The following CNTN5 variants were observed in gnomAD, a reference collection of about 807,000 sequenced individuals.
CNTN5 encodes the protein contactin 5.
CNTN5 carries 77 observed loss-of-function variants against 129.1 expected under a neutral mutation model. The observed-to-expected ratio is 0.60, with a 90% CI of 0.50 to 0.72. CNTN5 has a LOEUF of 0.72. Ranked by LOEUF, CNTN5 falls within the 30% of genes least tolerant of loss-of-function variation. The pLI, the probability that CNTN5 is intolerant of heterozygous loss-of-function variation, is 0.00. For missense variants in CNTN5, 1,478 were observed against 1,328.8 expected, an observed-to-expected ratio of 1.11 and a Z score of -1.75; for synonymous variants, 509 against 465.6, an observed-to-expected ratio of 1.09 and a Z score of -1.20.
At chr11:99,800,068 G>GT (rs148924841) in intron 3 of CNTN5, among the ~76,000 whole-genome samples, 9,187 of 151,492 alleles carry the variant, frequency 0.061, 334 homozygotes, top group African/African-American at 0.094. Context: ...CATTGTTTCT[G>GT]TTTTTTTCTA....
chr11:100,024,006 A>C (rs1484219194), intron 9 of CNTN5, among the ~76,000 whole-genome samples: 2 of 151,838 alleles, frequency 1.3e-5, no homozygotes, highest in African/African-American at 4.8e-5. Flanking sequence ...TAAGTTTTCA[A>C]CTCCTTTTGT....
chr11:99,189,614 C>T (rs974482158), intron 1 of CNTN5, among the ~76,000 whole-genome samples: 9 of 151,620 alleles, frequency 5.9e-5, no homozygotes, highest in Non-Finnish European at 1.2e-4. Context: ...TGTTGATTTA[C>T]ATTTCACTGA....
chr11:100,232,365 G>T (rs1465212827), intron 16 of CNTN5, among the ~76,000 whole-genome samples: 1 of 152,020 alleles, frequency 6.6e-6, no homozygotes, highest in Non-Finnish European at 1.5e-5. Flanking sequence ...AGGAGAAAAT[G>T]GACAACAGTG....
intron 1 of CNTN5, among the ~76,000 whole-genome samples, chr11:99,273,160 C>G (rs569091196): frequency 6.6e-6 from 1 of 151,802 alleles, no homozygotes; most frequent in Non-Finnish European, 1.5e-5. Context: ...GGCGAGCGGT[C>G]TAAATGGGAA....
chr11:99,054,892 TTAGG>T (rs1201368165), intron 1 of CNTN5, among the ~76,000 whole-genome samples: 1 of 151,976 alleles, frequency 6.6e-6, no homozygotes, highest in East Asian at 1.9e-4. Context: ...CAGATGAGTG[TTAGG>T]AAGTTCGTTA....
At chr11:100,169,466 C>A (rs2138400695) in intron 13 of CNTN5, among the ~76,000 whole-genome samples, 1 of 152,060 alleles carries the variant, frequency 6.6e-6, no homozygotes, top group South Asian at 2.1e-4. Flanking sequence ...CAGCCATCAC[C>A]CTGATAAGTC....
chr11:99,895,648 G>T (rs923521693), intron 6 of CNTN5, among the ~76,000 whole-genome samples: 1 of 152,108 alleles, frequency 6.6e-6, no homozygotes, highest in Non-Finnish European at 1.5e-5. Context: ...GAAAGTGAGT[G>T]GGGGAAGAGT....
chr11:99,452,340 G>GA (rs1944333344), intron 2 of CNTN5, among the ~76,000 whole-genome samples: 2 of 139,734 alleles, frequency 1.4e-5, no homozygotes, highest in Non-Finnish European at 1.5e-5. Context: ...CTCAGCTAAA[G>GA]AAAAAATTGA....
At chr11:99,383,596 C>CT (rs34782381) in intron 2 of CNTN5, among the ~76,000 whole-genome samples, 2,527 of 145,128 alleles carry the variant, frequency 0.017, 32 homozygotes, top group Middle Eastern at 0.043. Flanking sequence ...TGAGAAGCTG[C>CT]TTTTTTTTTT....
At chr11:99,828,000 A>G (rs917103718) in intron 4 of CNTN5, among the ~76,000 whole-genome samples, 1 of 143,892 alleles carries the variant, frequency 6.9e-6, no homozygotes, top group African/African-American at 2.5e-5. Context: ...CAAGCTGTAC[A>G]TTAACTCATC....
chr11:99,442,155 AC>A (rs1362279995), intron 2 of CNTN5, among the ~76,000 whole-genome samples: 1 of 151,756 alleles, frequency 6.6e-6, no homozygotes, highest in Admixed American at 6.6e-5. Context: ...TCATTTAGCT[AC>A]CCATAGCTAT....
chr11:99,279,057 A>G (rs1863578072), intron 1 of CNTN5, among the ~76,000 whole-genome samples: 1 of 151,828 alleles, frequency 6.6e-6, no homozygotes, highest in Non-Finnish European at 1.5e-5. Flanking sequence ...CACCACTATA[A>G]AAACATATAC....
At chr11:99,494,137 C>A (rs1395726124) in intron 2 of CNTN5, among the ~76,000 whole-genome samples, 1 of 152,098 alleles carries the variant, frequency 6.6e-6, no homozygotes. Flanking sequence ...TCAGAGCTTT[C>A]GAATTCTCCC....
intron 9 of CNTN5, among the ~76,000 whole-genome samples, chr11:100,051,099 A>G (rs532643212): frequency 7.9e-5 from 12 of 152,258 alleles, no homozygotes; most frequent in African/African-American, 2.9e-4. Flanking sequence ...AAGAAGAACA[A>G]GAAGACAGAA....
At chr11:99,377,377 TTA>T (rs1346592556) in intron 2 of CNTN5, among the ~76,000 whole-genome samples, 2 of 152,148 alleles carry the variant, frequency 1.3e-5, no homozygotes, top group African/African-American at 4.8e-5. Flanking sequence ...ATGAAATTGT[TTA>T]TGTCTGGTAG....
intron 1 of CNTN5, among the ~76,000 whole-genome samples, chr11:99,307,750 T>C (rs1370848302): frequency 2.0e-5 from 3 of 152,162 alleles, no homozygotes; most frequent in Non-Finnish European, 2.9e-5. Flanking sequence ...CCTGTCAAGT[T>C]GGAGGCCAAT....
intron 2 of CNTN5, among the ~76,000 whole-genome samples, chr11:99,408,615 G>C (rs1018927317): frequency 6.6e-6 from 1 of 152,020 alleles, no homozygotes; most frequent in African/African-American, 2.4e-5. Context: ...ATTAATGCAG[G>C]CTTCTTTATA....
At chr11:99,174,634 A>G (rs1857687086) in intron 1 of CNTN5, among the ~76,000 whole-genome samples, 1 of 152,080 alleles carries the variant, frequency 6.6e-6, no homozygotes, top group East Asian at 1.9e-4. Context: ...AGGCTCTACT[A>G]ATTGAAAGTC....
chr11:100,344,249 T>A (rs896038972), intron 23 of CNTN5, among the ~76,000 whole-genome samples: 1 of 152,164 alleles, frequency 6.6e-6, no homozygotes, highest in African/African-American at 2.4e-5. Flanking sequence ...AAGTCCAGTT[T>A]AAGATTGAAG....
Sources: gnomAD v4.1 joint callset for allele counts (sites outside exome capture counted in the v4.1 genomes callset) on GRCh38, gnomAD v4.1.1 for gene constraint, MANE v1.5 for transcripts, NCBI Gene and HGNC (gene_info 2026-07-23, HGNC 2026-07-21) for gene names.